The following OSGIN1 variants were observed in gnomAD, a reference collection of about 807,000 sequenced individuals.
OSGIN1 encodes the protein oxidative stress-induced growth inhibitor 1.
Under a neutral mutation model 20.1 loss-of-function variants are expected in OSGIN1, and 19 were observed. That is an observed-to-expected ratio of 0.95 (90% CI 0.66 to 1.39). The LOEUF (loss-of-function observed/expected upper bound fraction) is 1.39. Among genes scored for constraint, OSGIN1 ranks in the 40% most tolerant of loss-of-function variants. OSGIN1 has a pLI of 0.00. For synonymous variants in OSGIN1, 368 were observed against 297.8 expected (o/e 1.24, Z -2.43); for missense variants, 820 against 653.0 (o/e 1.26, Z -2.79).
chr16:83,965,473 G>T lies in OSGIN1; in HGVS notation c.900G>T (p.Ala300=), dbSNP rs143431711. ...IIGAGLSAAD[A]VLYARHYNIP... is the part of the protein sequence containing the mutation. ...GCGCGGGGCTGTCAGCGGCCGACGC[G>T]GTCCTCTACGCCCGCCACTACAACA... The change falls in exon 6 of 6, where the codon GCG becomes GCT. Residue 300 remains alanine (A), a synonymous_variant. Transcript: ENST00000393306. 3.1e-6 allele frequency: 5 copies of T among 1,605,922 alleles called. No homozygotes were observed. The highest frequency in any genetic ancestry group is 1.1e-5 in the South Asian group (1 of 90,974).
At chr16:83,963,534 G>A (rs1365844390) in intron 5 of OSGIN1, among the ~76,000 whole-genome samples, 1 of 152,080 alleles carries the variant, frequency 6.6e-6, no homozygotes, top group African/African-American at 2.4e-5. Context: ...TTTCCATTGT[G>A]TCATTATTAT....
In OSGIN1 at chr16:83,965,341, C is replaced by T; in HGVS notation, c.768C>T (p.Gly256=). ...CGTTCGACAGCCCGGCCCGGCTGGG[C>T]ATCCCCGGGGAGGCCCTGCCCTTCA... is the stretch of plus-strand genomic sequence containing the variant. ...TGTFDSPARL[G]IPGEALPFIH... is the part of the protein sequence containing the mutation. Residue 256 remains glycine (G), a synonymous_variant, in exon 6 of 6, where the codon GGC becomes GGT. Transcript: ENST00000393306. 1 of 1,572,214 alleles carries T rather than the reference C, an allele frequency of 6.4e-7. No individual in the cohort carries two copies. The highest frequency in any genetic ancestry group is 8.6e-7 in the Non-Finnish European group (1 of 1,160,452).
At chr16:83,964,961 C>T (rs987819469) in intron 5 of OSGIN1, 101 bp from the exon 6 acceptor site, 6 of 785,608 alleles carry the variant, frequency 7.6e-6, no homozygotes, top group Middle Eastern at 3.0e-4. Context: ...ACAGCCTAGT[C>T]CAGCTCCAGG....
At chr16:83,962,487 C>T (rs1337015010) in intron 5 of OSGIN1, among the ~76,000 whole-genome samples, 1 of 152,200 alleles carries the variant, frequency 6.6e-6, no homozygotes, top group Non-Finnish European at 1.5e-5. Flanking sequence ...GTGATCCGCC[C>T]ACCTCGGCCT....
At position 83,955,485 on chromosome 16, in the gene OSGIN1, C is replaced by T. The variant is rs567791958; in HGVS notation, c.-33+2115C>T. Reference sequence around the variant, plus strand: ...GCTCTGGAGCAGGGCGGCCTGGGCTCTGATCCAGCCCAGCCTGCAAGAGCT... The same window carrying T: ...GCTCTGGAGCAGGGCGGCCTGGGCTTTGATCCAGCCCAGCCTGCAAGAGCT... On this transcript the variant is annotated intron_variant, in intron 1 of 5. Coordinates refer to ENST00000393306, the MANE Select transcript of OSGIN1 (RefSeq NM_182981.3). Among the ~76,000 whole-genome samples the T allele has an allele frequency of 1.2e-4, 18 of 152,338 alleles. No homozygotes were observed. In the East Asian group the frequency reaches 2.7e-3, roughly 23 times the overall value.
At chr16:83,957,043 C>G (rs548435872) in intron 1 of OSGIN1, 1 of 152,672 alleles carries the variant, frequency 6.5e-6, no homozygotes, top group South Asian at 2.1e-4. Context: ...ACAGCGCTGG[C>G]CCATTCCCTG....
At chr16:83,957,617 C>T (rs775630177) in intron 1 of OSGIN1, 23 bp from the exon 2 acceptor site, 11 of 1,250,052 alleles carry the variant, frequency 8.8e-6, no homozygotes, top group Admixed American at 5.8e-5. Flanking sequence ...ATGGACTCTT[C>T]CTTCCCCTCT....
At chr16:83,963,123 A>C (rs1357844041) in intron 5 of OSGIN1, among the ~76,000 whole-genome samples, 1 of 152,158 alleles carries the variant, frequency 6.6e-6, no homozygotes, top group Non-Finnish European at 1.5e-5. Context: ...CAGGCACTCC[A>C]GGCGTCCCCC....
intron 1 of OSGIN1, among the ~76,000 whole-genome samples, chr16:83,956,374 A>G (rs1908929556): frequency 6.6e-6 from 1 of 152,216 alleles, no homozygotes; most frequent in South Asian, 2.1e-4. Flanking sequence ...GATCATTCAC[A>G]TAGAAATCCA....
At chr16:83,958,186 C>A (rs919711145) in intron 2 of OSGIN1, among the ~76,000 whole-genome samples, 4 of 152,174 alleles carry the variant, frequency 2.6e-5, no homozygotes, top group Non-Finnish European at 5.9e-5. Flanking sequence ...CCAGGCCTGG[C>A]CTCTTTACAG....
At chr16:83,954,536 C>G (rs1398926477) in intron 1 of OSGIN1, 1 of 152,388 alleles carries the variant, frequency 6.6e-6, no homozygotes, top group African/African-American at 2.4e-5. Flanking sequence ...CTTTTGAACT[C>G]TCTTTTGTAA....
chr16:83,955,878 G>A lies in OSGIN1; in HGVS notation c.-32-1762G>A, dbSNP rs564699711. On this transcript the variant is annotated intron_variant, in intron 1 of 5. Coordinates refer to ENST00000393306, the MANE Select transcript of OSGIN1 (RefSeq NM_182981.3). ...AGGAGGTCTTCGGTGCTGGGCACAC[G>A]AGCTTGCCTAGACAGGACACGGAGG... Among the ~76,000 whole-genome samples, 9 of 152,272 alleles carry A rather than the reference G, an allele frequency of 5.9e-5. No homozygotes were observed. The South Asian group carries it at 1.0e-3, about 18-fold the overall frequency.
rs758794260 is a variant in OSGIN1, at chr16:83,958,810, T to C, written c.68-450T>C. ...CCCCAGGCCACGTAGCAATCTGTGCTACATTCACTCATCCATCTGACCTAG... is the reference window on the plus strand; with the variant it reads ...CCCCAGGCCACGTAGCAATCTGTGCCACATTCACTCATCCATCTGACCTAG... On this transcript the variant is annotated intron_variant, in intron 2 of 5. Coordinates refer to ENST00000393306, the MANE Select transcript of OSGIN1 (RefSeq NM_182981.3). 6.8e-4 allele frequency among the ~76,000 whole-genome samples: 104 copies of C among 152,196 alleles called. 1 individual carries two copies. The highest frequency in any genetic ancestry group is 3.5e-4 in the Non-Finnish European group (24 of 68,036).
At chr16:83,955,916 C>T (rs191910851) in intron 1 of OSGIN1, among the ~76,000 whole-genome samples, 182 of 152,302 alleles carry the variant, frequency 1.2e-3, no homozygotes, top group African/African-American at 4.3e-3. Flanking sequence ...GTCCCTGGCC[C>T]CCACGCCAGT....
Position 83,965,535 on chromosome 16 carries a change from A to C in OSGIN1, c.962A>C (p.Asp321Ala), listed in dbSNP as rs1421814806. The change falls in exon 6 of 6, where the codon GAC becomes GCC. Residue 321 changes from aspartate (D) to alanine (A), a missense_variant. Transcript: ENST00000393306. ...CATGCCTTCCGCCGGGCCGTGGACG[A>C]CCCTGGCCTGGTGTTCAACCAGCTG... ...VIHAFRRAVD[D>A]PGLVFNQLPK... 1.2e-6 allele frequency: 2 copies of C among 1,612,496 alleles called. No homozygotes were observed. The highest frequency in any genetic ancestry group is 3.3e-5 in the Admixed American group (2 of 59,988).
intron 5 of OSGIN1, 42 bp from the exon 6 acceptor site, chr16:83,965,020 C>A: frequency 1.5e-6 from 2 of 1,326,518 alleles, no homozygotes; most frequent in South Asian, 1.3e-5. Flanking sequence ...CCCCCAACCC[C>A]TAACAGTGTC....
In OSGIN1 at chr16:83,963,023, C is replaced by G. The variant is rs553766929; in HGVS notation, c.488+1951C>G. On this transcript the variant is annotated intron_variant, in intron 5 of 5. Transcript: ENST00000393306. ...GTGCATCCACTCAATGAGAAGCTGC[C>G]CCAGCGCAGATACCTGGGTGCAGTC... 7.2e-5 allele frequency among the ~76,000 whole-genome samples: 11 copies of G among 152,242 alleles called. No homozygotes were observed. The East Asian group carries it at 2.1e-3, about 29-fold the overall frequency.
At chr16:83,964,266 G>A (rs1407051644) in intron 5 of OSGIN1, among the ~76,000 whole-genome samples, 2 of 151,826 alleles carry the variant, frequency 1.3e-5, no homozygotes, top group Non-Finnish European at 1.5e-5. Context: ...ATCACACCAC[G>A]GCACTCCAGC....
chr16:83,959,853 G>T (rs1909119467), intron 3 of OSGIN1, among the ~76,000 whole-genome samples: 1 of 150,934 alleles, frequency 6.6e-6, no homozygotes, highest in South Asian at 2.2e-4. Flanking sequence ...TACAAAGAAT[G>T]ATCTGGCTCA....
Sources: allele counts gnomAD v4.1 joint callset (sites outside exome capture counted in the v4.1 genomes callset), GRCh38; gene constraint gnomAD v4.1.1; transcripts MANE v1.5; gene names NCBI Gene and HGNC (gene_info 2026-07-23, HGNC 2026-07-21).